Variants in FAT1 observed in about 807,000 individuals in gnomAD.
FAT1 encodes protocadherin Fat 1.
A neutral mutation model predicts 329.8 loss-of-function variants in FAT1; 171 were observed. The observed-to-expected ratio is 0.52, with a 90% CI of 0.46 to 0.59. The LOEUF (loss-of-function observed/expected upper bound fraction) is 0.59. Among genes scored for constraint, FAT1 ranks in the 20% least tolerant of loss-of-function variants. The pLI is 0.00. For missense variants in FAT1, 5,672 were observed against 5,774.4 expected, an observed-to-expected ratio of 0.98 and a Z score of 0.57; for synonymous variants, 2,233 against 2,228.6, an observed-to-expected ratio of 1.00 and a Z score of -0.06.
chr4:186,607,459 ATGGG>A (rs200165952), intron 16 of FAT1, among the ~76,000 whole-genome samples: 1 of 44,002 alleles, frequency 2.3e-5, no homozygotes, highest in Non-Finnish European at 4.6e-5. Flanking sequence ...AAGTGGATAC[ATGGG>A]TGGGTGGGTG....
At chr4:186,640,559 CATAA>C (rs1375534829) in intron 3 of FAT1, among the ~76,000 whole-genome samples, 8 of 152,272 alleles carry the variant, frequency 5.3e-5, no homozygotes, top group Non-Finnish European at 1.2e-4. Flanking sequence ...TATCCACTCT[CATAA>C]ATAAAGAACT....
rs749778900 is a variant in FAT1 at position 186,629,963 on chromosome 4, T to C, written c.4324-1200A>G. On this transcript the variant is annotated intron_variant, in intron 7 of 26. Transcript: ENST00000441802. Reference sequence around the variant, plus strand: ...TTCATTTCCACTATAAATTTAAAAATTACTTTTCCCATGTAGTGGGTACTG... The same window carrying C: ...TTCATTTCCACTATAAATTTAAAAACTACTTTTCCCATGTAGTGGGTACTG... 6.6e-5 allele frequency among the ~76,000 whole-genome samples: 10 copies of C among 152,216 alleles called. 1 individual carries two copies. The highest frequency in any genetic ancestry group is 8.8e-5 in the Non-Finnish European group (6 of 68,036).
chr4:186,625,698 C>A (rs2126535909), intron 9 of FAT1, among the ~76,000 whole-genome samples: 1 of 152,370 alleles, frequency 6.6e-6, no homozygotes, highest in African/African-American at 2.4e-5. Flanking sequence ...CTGAAGAAAA[C>A]AGAAAACTGT....
intron 2 of FAT1, among the ~76,000 whole-genome samples, chr4:186,684,214 T>C (rs1243043307): frequency 2.0e-5 from 3 of 152,226 alleles, no homozygotes; most frequent in Non-Finnish European, 2.9e-5. Context: ...TTATGAACTA[T>C]GGGTATTTGA....
intron 2 of FAT1, among the ~76,000 whole-genome samples, chr4:186,683,969 C>A (rs1330125684): frequency 6.6e-6 from 1 of 151,412 alleles, no homozygotes; most frequent in East Asian, 1.9e-4. Context: ...TCAATAGCTA[C>A]AAAACAGTAA....
chr4:186,640,372 T>C (rs755261058), intron 3 of FAT1, among the ~76,000 whole-genome samples: 10 of 152,242 alleles, frequency 6.6e-5, no homozygotes, highest in Non-Finnish European at 1.0e-4. Context: ...GGTTTCAATA[T>C]ACATTTTGTC....
chr4:186,704,807 T>C (rs1744491484), intron 2 of FAT1, among the ~76,000 whole-genome samples: 1 of 152,208 alleles, frequency 6.6e-6, no homozygotes, highest in African/African-American at 2.4e-5. Context: ...AATAAACTAA[T>C]TATGGGTATT....
chr4:186,652,134 A>T (rs1258789831), intron 3 of FAT1, among the ~76,000 whole-genome samples: 1 of 152,178 alleles, frequency 6.6e-6, no homozygotes, highest in African/African-American at 2.4e-5. Context: ...TCTGCTTTCA[A>T]TTCTACCTTA....
chr4:186,640,672 T>C (rs1741047160), intron 3 of FAT1, among the ~76,000 whole-genome samples: 1 of 152,192 alleles, frequency 6.6e-6, no homozygotes, highest in East Asian at 1.9e-4. Flanking sequence ...AGAAAACAAA[T>C]TTCCTATCAA....
chr4:186,590,289 G>T, intron 26 of FAT1: 1 of 877,686 alleles, frequency 1.1e-6, no homozygotes. Context: ...GCGACCCAGC[G>T]TAGTCAGTCA....
chr4:186,653,717 T>C (rs1468308520), intron 3 of FAT1, among the ~76,000 whole-genome samples: 1 of 152,200 alleles, frequency 6.6e-6, no homozygotes, highest in Non-Finnish European at 1.5e-5. Flanking sequence ...ATTTATTTCG[T>C]TTATTTACAA....
At position 186,671,691 on chromosome 4, in the gene FAT1, T is replaced by C. The variant is rs1742736260; in HGVS notation, c.3266-8078A>G. Among the ~76,000 whole-genome samples, 3 of 150,466 alleles carry C rather than the reference T, an allele frequency of 2.0e-5. No homozygotes were observed. The South Asian group carries it at 6.3e-4, about 32-fold the overall frequency. ...GCAGCCTGGGCAACAAGAGCGAAAC[T>C]CCGTCTCAAAAAAAAATAAAAATAA... is the stretch of plus-strand genomic sequence containing the variant. On this transcript the variant is annotated intron_variant, in intron 2 of 26. Coordinates refer to ENST00000441802, the MANE Select transcript of FAT1 (RefSeq NM_005245.4).
intron 7 of FAT1, 61 bp from the exon 8 acceptor site, chr4:186,628,824 A>T: frequency 5.3e-6 from 8 of 1,502,668 alleles, no homozygotes; most frequent in Non-Finnish European, 7.1e-6. Flanking sequence ...TTAATACTTA[A>T]AGAACCATGA....
At position 186,597,777 on chromosome 4, in the gene FAT1, T is replaced by C. The variant is rs376771050; in HGVS notation, c.12273A>G (p.Pro4091=). 1.5e-5 allele frequency: 25 copies of C among 1,613,570 alleles called. No homozygotes were observed. In the African/African-American group the frequency reaches 2.8e-4, roughly 18 times the overall value. Residue 4091 remains proline, a synonymous_variant, in exon 24 of 27, where the codon CCA becomes CCG. Transcript: ENST00000441802. ...LYTGQRCQLS[P]YCKDEPCKNG... ...TCTTACAGGGTTCATCTTTGCAGTATGGACTAAGCTGACACCTGAAGAGTA... is the reference window on the plus strand; with the variant it reads ...TCTTACAGGGTTCATCTTTGCAGTACGGACTAAGCTGACACCTGAAGAGTA...
intron 3 of FAT1, among the ~76,000 whole-genome samples, chr4:186,653,790 A>G (rs1315723427): frequency 6.6e-6 from 1 of 152,206 alleles, no homozygotes. Flanking sequence ...CTTCTGGGCT[A>G]CAGTGACACG....
intron 2 of FAT1, among the ~76,000 whole-genome samples, chr4:186,700,981 A>G (rs189291596): frequency 1.3e-5 from 2 of 152,262 alleles, no homozygotes; most frequent in Admixed American, 6.5e-5. Flanking sequence ...CACTCTGAGA[A>G]TTACATCACA....
rs769237577 is a variant in FAT1 at position 186,603,524 on chromosome 4, G to A, written c.11002C>T (p.Arg3668Trp). The change falls in exon 19 of 27, where the codon CGG becomes TGG. Residue 3668 changes from arginine to tryptophan, a missense_variant. Transcript: ENST00000441802. ...DYWRNFQRAL[R>W]NILGVRRNDI... The stretch of plus-strand genomic sequence containing the variant: ...TTCCTCCTCACACCCAGGATGTTCC[G>A]TAAAGCTCGCTGGAAGTTGCGCCAG... 14 of 1,613,802 alleles carry A rather than the reference G, an allele frequency of 8.7e-6. No homozygotes were observed. The highest frequency in any genetic ancestry group is 3.3e-5 in the South Asian group (3 of 91,076).
At position 186,620,464 on chromosome 4, in the gene FAT1, C is replaced by T. The variant is rs369383837; in HGVS notation, c.6122G>A (p.Arg2041His). The change falls in exon 10 of 27, where the codon CGT becomes CAT. Residue 2041 changes from arginine to histidine, a missense_variant. By Grantham distance (29) the Arg-to-His change is conservative (BLOSUM62 0). Around this residue, in one of 2 missense-constraint regions of FAT1, gnomAD observed 3,966 missense variants for 3,915.2 expected, o/e 1.01. Transcript: ENST00000441802. ...CACATCAAACGCCTCCTGCTGCTCA[C>T]GATCGAAGGGCGTGCCAGTGGTTGA... Reference protein sequence around the residue: ...VLSTTGTPFDREQQEAFDVVV... With the variant: ...VLSTTGTPFDHEQQEAFDVVV... 144 of 1,613,890 alleles carry T rather than the reference C, an allele frequency of 8.9e-5. 1 individual carries two copies. The highest frequency in any genetic ancestry group is 8.3e-5 in the Admixed American group (5 of 60,002).
intron 2 of FAT1, among the ~76,000 whole-genome samples, chr4:186,667,529 C>T (rs935304088): frequency 6.6e-6 from 1 of 152,158 alleles, no homozygotes; most frequent in African/African-American, 2.4e-5. Flanking sequence ...TGCTTCGATG[C>T]ATTTTAATTA....
Sources: allele counts gnomAD v4.1 joint callset (sites outside exome capture counted in the v4.1 genomes callset), GRCh38; gene constraint gnomAD v4.1.1; regional missense constraint gnomAD v4.1.1; transcripts MANE v1.5; gene names NCBI Gene and HGNC (gene_info 2026-07-23, HGNC 2026-07-21).